MYT1L: variants seen among roughly 807,000 people sequenced by gnomAD.
MYT1L encodes the protein myelin transcription factor 1-like protein.
A neutral mutation model predicts 126.7 loss-of-function variants in MYT1L; 12 were observed. The observed-to-expected ratio is 0.09, with a 90% CI of 0.06 to 0.15. The LOEUF (loss-of-function observed/expected upper bound fraction) is 0.15, where lower values mean the gene tolerates loss of function less well. Among genes scored for constraint, MYT1L ranks in the 10% least tolerant of loss-of-function variants. The pLI, the probability that MYT1L is intolerant of heterozygous loss-of-function variation, is 1.00. For synonymous variants in MYT1L, 541 were observed against 604.2 expected (o/e 0.90, Z 1.53); for missense variants, 979 against 1,585.2 (o/e 0.62, Z 6.49).
At chr2:2,125,925 AAAGT>A (rs1235482064) in intron 3 of MYT1L, among the ~76,000 whole-genome samples, 2 of 152,222 alleles carry the variant, frequency 1.3e-5, no homozygotes, top group African/African-American at 2.4e-5. Flanking sequence ...GCAAGAATCA[AAAGT>A]AAGAACAGAC....
chr2:2,217,896 T>A (rs1316120150), intron 2 of MYT1L, among the ~76,000 whole-genome samples: 2 of 152,142 alleles, frequency 1.3e-5, no homozygotes, highest in Admixed American at 6.5e-5. Flanking sequence ...CCACATTTTT[T>A]AAAATGAGCA....
intron 2 of MYT1L, among the ~76,000 whole-genome samples, chr2:2,253,289 T>A (rs2094707123): frequency 6.6e-6 from 1 of 152,354 alleles, no homozygotes; most frequent in African/African-American, 2.4e-5. Flanking sequence ...GGAACAGGGC[T>A]CGCTGGCTTC....
chr2:2,178,053 GTTTA>G (rs1316936352), intron 2 of MYT1L, among the ~76,000 whole-genome samples: 1 of 151,930 alleles, frequency 6.6e-6, no homozygotes. Context: ...TATATATACT[GTTTA>G]TTTATAAATA....
At chr2:2,114,127 G>A (rs2079881686) in intron 3 of MYT1L, among the ~76,000 whole-genome samples, 1 of 152,246 alleles carries the variant, frequency 6.6e-6, no homozygotes, top group Non-Finnish European at 1.5e-5. Context: ...AGCATAAGAA[G>A]GGAGCTGGAG....
chr2:2,028,362 T>C (rs1017822137), intron 4 of MYT1L, among the ~76,000 whole-genome samples: 1 of 152,192 alleles, frequency 6.6e-6, no homozygotes, highest in African/African-American at 2.4e-5. Context: ...CCTAAAGCAG[T>C]GTCAGGATTG....
At chr2:2,279,010 G>T (rs2095408499) in intron 2 of MYT1L, among the ~76,000 whole-genome samples, 1 of 152,134 alleles carries the variant, frequency 6.6e-6, no homozygotes, top group Non-Finnish European at 1.5e-5. Flanking sequence ...CTCCCCACGA[G>T]CCTGTGTCTC....
intron 9 of MYT1L, among the ~76,000 whole-genome samples, chr2:1,924,237 C>G (rs1328134659): frequency 1.3e-5 from 2 of 152,190 alleles, no homozygotes. Context: ...CAAACATATT[C>G]TGTTTCACAC....
chr2:2,227,193 C>T (rs1191008742), intron 2 of MYT1L, among the ~76,000 whole-genome samples: 6 of 152,190 alleles, frequency 3.9e-5, no homozygotes, highest in East Asian at 3.9e-4. Context: ...AGACCTTAGA[C>T]CTTGACTTTT....
intron 2 of MYT1L, among the ~76,000 whole-genome samples, chr2:2,281,602 G>A (rs1271481864): frequency 6.6e-6 from 1 of 152,098 alleles, no homozygotes; most frequent in Non-Finnish European, 1.5e-5. Flanking sequence ...TACCTTGAAT[G>A]GCGTGAACTT....
At chr2:2,325,250 T>C (rs2096230531) in intron 1 of MYT1L, 1 of 152,128 alleles carries the variant, frequency 6.6e-6, no homozygotes, top group South Asian at 2.1e-4. Flanking sequence ...TGTCACTTCT[T>C]AAAATAAAAG....
intron 8 of MYT1L, among the ~76,000 whole-genome samples, chr2:1,964,900 A>G (rs1295128299): frequency 6.6e-6 from 1 of 152,170 alleles, no homozygotes; most frequent in African/African-American, 2.4e-5. Flanking sequence ...ACGGGCAAGG[A>G]AGACTGACAG....
At chr2:1,970,197 T>C (rs2059702003) in intron 8 of MYT1L, among the ~76,000 whole-genome samples, 1 of 152,160 alleles carries the variant, frequency 6.6e-6, no homozygotes, top group African/African-American at 2.4e-5. Flanking sequence ...AGGGTCCTCA[T>C]GATTACTGCC....
chr2:1,827,988 G>A lies in MYT1L; in HGVS notation c.3080+11161C>T, dbSNP rs76494006. On this transcript the variant is annotated intron_variant, in intron 21 of 24. Coordinates refer to ENST00000647738, the MANE Select transcript of MYT1L (RefSeq NM_001303052.2). The stretch of plus-strand genomic sequence containing the variant: ...CGCCCTGAGAGTCTTGTCCTGGATC[G>A]CACGGGTGTGTCCACAAATGAGACC... 1.7e-4 allele frequency: 26 copies of A among 152,286 alleles called. 1 individual carries two copies. In the East Asian group the frequency reaches 3.9e-3, roughly 23 times the overall value. The allele number at this position is 152,286 out of a possible 1,614,324, so 9.4% of individuals were successfully genotyped here. A position where few individuals can be genotyped will look rare whatever the true frequency, so the allele number is the denominator to read the frequency against.
intron 2 of MYT1L, among the ~76,000 whole-genome samples, chr2:2,267,360 C>T (rs765788756): frequency 5.3e-5 from 8 of 152,136 alleles, no homozygotes; most frequent in South Asian, 2.1e-4. Flanking sequence ...GAGTGAATTC[C>T]GAAGATCCCC....
chr2:1,991,467 A>T (rs1170330373), intron 5 of MYT1L, among the ~76,000 whole-genome samples: 1 of 151,704 alleles, frequency 6.6e-6, no homozygotes. Context: ...TAATCTGTGT[A>T]TTTTTTGCCA....
chr2:1,792,544 C>T, intron 23 of MYT1L, 80 bp from the exon 24 acceptor site: 1 of 1,470,814 alleles, frequency 6.8e-7, no homozygotes. Flanking sequence ...CCACAGTCTA[C>T]TGGGTGCGAA....
At chr2:2,158,868 G>A (rs1014920430) in intron 3 of MYT1L, among the ~76,000 whole-genome samples, 25 of 151,748 alleles carry the variant, frequency 1.6e-4, no homozygotes, top group African/African-American at 5.8e-4. Context: ...GGGAAGGGGT[G>A]ATGGGGTGGG....
intron 2 of MYT1L, among the ~76,000 whole-genome samples, chr2:2,237,473 T>G (rs893164998): frequency 6.6e-6 from 1 of 152,218 alleles, no homozygotes; most frequent in Admixed American, 6.5e-5. Flanking sequence ...GATGTGATTT[T>G]GTATCCTGAA....
Position 1,850,033 on chromosome 2 carries a change from A to G in MYT1L, c.2774+1608T>C, listed in dbSNP as rs983227178. ...CCGTGCTCTAGGGGGCGGGGTGGTG[A>G]GGGGGGGGCCATTATCCACTGCTGA... On this transcript the variant is annotated intron_variant, in intron 19 of 24. Coordinates refer to ENST00000647738, the MANE Select transcript of MYT1L (RefSeq NM_001303052.2). Among the ~76,000 whole-genome samples, 623 of 117,972 alleles carry G rather than the reference A, an allele frequency of 5.3e-3. 4 individuals are homozygous for G. Among genetic ancestry groups the G allele is most frequent in the African/African-American group, 7.8e-3 (229 of 29,184 alleles). 77.4% of individuals were successfully genotyped at this position (117,972 alleles called of 152,430 possible). A position where few individuals can be genotyped will look rare whatever the true frequency, so the allele number is the denominator to read the frequency against.
Sources: gnomAD v4.1 joint callset for allele counts (sites outside exome capture counted in the v4.1 genomes callset) on GRCh38, gnomAD v4.1.1 for gene constraint, MANE v1.5 for transcripts, NCBI Gene and HGNC (gene_info 2026-07-23, HGNC 2026-07-21) for gene names.